Variants in TTC39C observed in about 807,000 individuals in gnomAD.
TTC39C encodes the protein tetratricopeptide repeat protein 39C.
In TTC39C, 33 loss-of-function variants were observed where a neutral mutation model predicts 76.3. The observed-to-expected ratio is 0.43, with a 90% CI of 0.33 to 0.58. TTC39C has a LOEUF of 0.58. TTC39C is among the 20% of genes least tolerant of loss of function. TTC39C has a pLI of 0.04. For synonymous variants in TTC39C, 254 were observed against 260.6 expected (o/e 0.97, Z 0.24); for missense variants, 595 against 701.4 (o/e 0.85, Z 1.71).
At chr18:24,113,766 G>T (rs1008321152) in intron 6 of TTC39C, 9 of 691,892 alleles carry the variant, frequency 1.3e-5, no homozygotes, top group Admixed American at 1.0e-4. Flanking sequence ...GTGGCATCGT[G>T]TTGGCAGACC....
At chr18:24,113,977 G>A (rs991486986) in intron 6 of TTC39C, 2 of 396,062 alleles carry the variant, frequency 5.0e-6, no homozygotes, top group African/African-American at 2.1e-5. Context: ...AGCATTCTAG[G>A]GTATAGAAGC....
rs1220423946 is a variant in TTC39C, at chr18:24,134,226, C to T, written c.*1652C>T. ...GAGAAGGGAACTTTTTTCTGAAGAG[C>T]AAAATTGGTGCCCAAAAATATTGGA... On this transcript the variant is annotated 3_prime_UTR_variant, in exon 14 of 14. Transcript: ENST00000317571. The T allele has an allele frequency of 4.1e-5, 5 of 122,014 alleles. No homozygotes were observed. The highest frequency in any genetic ancestry group is 1.5e-4 in the African/African-American group (5 of 33,118). 7.6% of individuals were successfully genotyped at this position (122,014 alleles called of 1,614,324 possible). A position where few individuals can be genotyped will look rare whatever the true frequency, so the allele number is the denominator to read the frequency against.
intron 6 of TTC39C, among the ~76,000 whole-genome samples, chr18:24,087,176 CT>C (rs2084451038): frequency 6.6e-6 from 1 of 152,192 alleles, no homozygotes; most frequent in African/African-American, 2.4e-5. Context: ...TTAATGTTCA[CT>C]TAATTTTCAT....
intron 1 of TTC39C, among the ~76,000 whole-genome samples, chr18:24,039,228 C>T (rs1210076464): frequency 6.6e-6 from 1 of 152,170 alleles, no homozygotes; most frequent in Non-Finnish European, 1.5e-5. Context: ...GGACTTGAAA[C>T]CAGGGCCATG....
intron 8 of TTC39C, 83 bp from the exon 9 acceptor site, chr18:24,123,751 T>TC: frequency 9.9e-7 from 1 of 1,005,616 alleles, no homozygotes; most frequent in African/African-American, 1.7e-5. Context: ...GCTTTTTTTT[T>TC]TTTCAAGTAT....
chr18:24,014,943 G>T lies in TTC39C; in HGVS notation c.72G>T (p.Ala24=). 6.6e-7 allele frequency: 1 copy of T among 1,525,396 alleles called. No homozygotes were observed. Among genetic ancestry groups the T allele is most frequent in the Non-Finnish European group, 8.8e-7 (1 of 1,136,286 alleles). The allele number at this position is 1,525,396 out of a possible 1,614,324, so 94.5% of individuals were successfully genotyped here. Residue 24 remains alanine, a synonymous_variant, in exon 1 of 14, where the codon GCG becomes GCT. Transcript: ENST00000317571. ...ACTCGGACGCGGCAGCGGCGGCGGC[G>T]GCGCCCCTGCAGGACGCGGAGCTGG... ...DGDSDAAAAA[A]APLQDAELAL...
At chr18:24,023,991 T>C (rs1333988954) in intron 1 of TTC39C, among the ~76,000 whole-genome samples, 16 of 5,394 alleles carry the variant, frequency 3.0e-3, no homozygotes, top group African/African-American at 8.3e-3. Flanking sequence ...CATATATATA[T>C]ATATATATAT....
chr18:24,104,021 T>G (rs181833812), intron 6 of TTC39C, among the ~76,000 whole-genome samples: 2 of 151,706 alleles, frequency 1.3e-5, no homozygotes, highest in Non-Finnish European at 2.9e-5. Context: ...AACCTCCACC[T>G]TCTGGGTTCA....
chr18:24,072,094 T>C (rs972894531), intron 4 of TTC39C, among the ~76,000 whole-genome samples: 1 of 152,078 alleles, frequency 6.6e-6, no homozygotes. Context: ...ACTTCATTGT[T>C]GGGATCCATG....
At chr18:24,002,204 G>A (rs1197970088) in intron 1 of TTC39C, among the ~76,000 whole-genome samples, 6 of 152,036 alleles carry the variant, frequency 3.9e-5, no homozygotes, top group African/African-American at 1.4e-4. Context: ...CCAGTGATTG[G>A]CTCTAGGATT....
chr18:24,119,295 C>T (rs1359563265), intron 8 of TTC39C, among the ~76,000 whole-genome samples: 1 of 152,220 alleles, frequency 6.6e-6, no homozygotes, highest in East Asian at 1.9e-4. Flanking sequence ...TAAGCAACTT[C>T]ATGTAAGCCT....
At chr18:24,085,223 G>C (rs2145766237) in intron 6 of TTC39C, among the ~76,000 whole-genome samples, 1 of 152,320 alleles carries the variant, frequency 6.6e-6, no homozygotes, top group South Asian at 2.1e-4. Flanking sequence ...CCATCTAGAA[G>C]CCTAAAGTTT....
intron 4 of TTC39C, among the ~76,000 whole-genome samples, chr18:24,069,488 T>G (rs2084210093): frequency 6.6e-6 from 1 of 152,192 alleles, no homozygotes; most frequent in Non-Finnish European, 1.5e-5. Flanking sequence ...TCCTCTTGTC[T>G]CAAGAGAATT....
chr18:24,120,179 A>G (rs1418501644), intron 8 of TTC39C, among the ~76,000 whole-genome samples: 2 of 152,138 alleles, frequency 1.3e-5, no homozygotes, highest in Non-Finnish European at 2.9e-5. Context: ...GTGAAACCCC[A>G]TCTCTACTAA....
At chr18:24,031,772 T>A (rs896531248) in intron 1 of TTC39C, among the ~76,000 whole-genome samples, 14 of 152,204 alleles carry the variant, frequency 9.2e-5, no homozygotes, top group Admixed American at 2.6e-4. Flanking sequence ...TTGCAGCCTC[T>A]GTGGTGGGTT....
Position 24,071,610 on chromosome 18 carries a change from CT to C in TTC39C, c.460+2341del, listed in dbSNP as rs33913891. ...TATACTTTGGGTATTTTCCCTATGA[CT>C]TACTTTCAGAACATAATTTTAAATA... is the stretch of plus-strand genomic sequence containing the variant. On this transcript the variant is annotated intron_variant, in intron 4 of 13. Coordinates refer to ENST00000317571, the MANE Select transcript of TTC39C (RefSeq NM_001135993.2). 4.5e-3 allele frequency among the ~76,000 whole-genome samples: 689 copies of C among 152,232 alleles called. 3 individuals are homozygous for C. The highest frequency in any genetic ancestry group is 0.016 in the African/African-American group (645 of 41,556).
At chr18:24,101,075 C>T (rs974032416) in intron 6 of TTC39C, among the ~76,000 whole-genome samples, 6 of 152,048 alleles carry the variant, frequency 3.9e-5, no homozygotes, top group Non-Finnish European at 7.4e-5. Flanking sequence ...AGACTGGAAG[C>T]GTTCGGTAGA....
intron 12 of TTC39C, 89 bp from the exon 13 acceptor site, chr18:24,131,793 G>A: frequency 1.9e-6 from 2 of 1,073,916 alleles, no homozygotes; most frequent in Admixed American, 4.2e-5. Flanking sequence ...ACAGTGAATT[G>A]TTTTAATTAA....
At chr18:24,045,838 A>T (rs2083861828) in intron 1 of TTC39C, among the ~76,000 whole-genome samples, 12 of 142,678 alleles carry the variant, frequency 8.4e-5, no homozygotes, top group Non-Finnish European at 1.5e-5. Context: ...TAGAAAAATC[A>T]CCCTTTACTC....
Sources: gnomAD v4.1 joint callset for allele counts (sites outside exome capture counted in the v4.1 genomes callset) on GRCh38, gnomAD v4.1.1 for gene constraint, MANE v1.5 for transcripts, NCBI Gene and HGNC (gene_info 2026-07-23, HGNC 2026-07-21) for gene names.